The following PTPN13 variants were observed in gnomAD, a reference collection of about 807,000 sequenced individuals.
PTPN13 encodes the protein tyrosine-protein phosphatase non-receptor type 13.
In PTPN13, 191 loss-of-function variants were observed where a neutral mutation model predicts 284.0. The ratio of observed to expected loss-of-function variants is 0.67; its 90% confidence interval spans 0.60 to 0.76. The LOEUF is 0.76. PTPN13 is among the 30% of genes least tolerant of loss of function. PTPN13 has a pLI of 0.00. For missense variants in PTPN13, 2,797 were observed against 2,939.9 expected, an observed-to-expected ratio of 0.95 and a Z score of 1.12; for synonymous variants, 986 against 1,022.3, an observed-to-expected ratio of 0.96 and a Z score of 0.68.
rs1462189294 is a variant in PTPN13, at chr4:86,732,474, T to C, written c.1683T>C (p.Leu561=). The C allele has an allele frequency of 1.3e-6, 2 of 1,599,992 alleles. No individual in the cohort carries two copies. Among genetic ancestry groups the C allele is most frequent in the African/African-American group, 2.7e-5 (2 of 74,668 alleles). Residue 561 remains leucine, a splice_region_variant and synonymous_variant, in exon 11 of 48, where the codon CTT becomes CTC. Transcript: ENST00000411767. ...FISLDLPRSI[L]TKKGKNEDNR... is the part of the protein sequence containing the mutation. ...CTTTGGATTTGCCACGGTCTATTCTTGTAAGTAATAAAACCAATTTGTGTC... is the reference window on the plus strand; with the variant it reads ...CTTTGGATTTGCCACGGTCTATTCTCGTAAGTAATAAAACCAATTTGTGTC...
intron 3 of PTPN13, among the ~76,000 whole-genome samples, chr4:86,679,226 TCTC>T (rs1160131220): frequency 6.6e-6 from 1 of 152,244 alleles, no homozygotes; most frequent in Admixed American, 6.5e-5. Flanking sequence ...TTTCAACTGA[TCTC>T]CTCACTGTCT....
chr4:86,771,245 A>C lies in PTPN13; in HGVS notation c.4878A>C (p.Gln1626His). The C allele has an allele frequency of 6.2e-7, 1 of 1,610,566 alleles. No individual in the cohort carries two copies. Among genetic ancestry groups the C allele is most frequent in the East Asian group, 2.2e-5 (1 of 44,802 alleles). The change falls in exon 31 of 48, where the codon CAA becomes CAC. Residue 1626 changes from glutamine to histidine, a missense_variant. Transcript: ENST00000411767. Reference protein sequence around the residue: ...KDSSQPSCVEQSTSSDENEMS... With the variant: ...KDSSQPSCVEHSTSSDENEMS... ...CTTCTCAGCCATCATGTGTGGAGCA[A>C]AGCACCAGCTCAGATGAAAATGAAA...
rs563039989 is a variant in PTPN13 at position 86,655,097 on chromosome 4, G to A, written c.116-17268G>A. ...TTTTTTGTTTTCCATTTGCTTGGTA[G>A]ATCTTCCTGCGTCCCTTTATTTTGA... On this transcript the variant is annotated intron_variant, in intron 2 of 47. Transcript: ENST00000411767. Among the ~76,000 whole-genome samples, 12 of 152,260 alleles carry A rather than the reference G, an allele frequency of 7.9e-5. No homozygotes were observed. The South Asian group carries it at 2.5e-3, about 32-fold the overall frequency.
Position 86,757,762 on chromosome 4 carries a change from C to CAAAAAAAAA in PTPN13, c.3224-490_3224-482dup, listed in dbSNP as rs542129918. On this transcript the variant is annotated intron_variant, in intron 20 of 47. Transcript: ENST00000411767. ...TGAGTAGCAAAGCAAGACTCTGTCT[C>CAAAAAAAAA]AAAAAAAAAAAAAAAATCCAGTTTC... 5.2e-4 allele frequency among the ~76,000 whole-genome samples: 59 copies of CAAAAAAAAA among 112,502 alleles called. 2 individuals are homozygous for CAAAAAAAAA. The highest frequency in any genetic ancestry group is 1.9e-3 in the African/African-American group (53 of 28,454). The allele number at this position is 112,502 out of a possible 152,430, so 73.8% of individuals were successfully genotyped here.
chr4:86,628,503 A>ATTT (rs70948795), intron 1 of PTPN13, among the ~76,000 whole-genome samples: 6 of 136,748 alleles, frequency 4.4e-5, no homozygotes, highest in Non-Finnish European at 3.2e-5. Context: ...TTTTTTTTTA[A>ATTT]TTTTTTTTTT....
chr4:86,640,986 A>G (rs999538843), intron 2 of PTPN13, among the ~76,000 whole-genome samples: 2 of 152,168 alleles, frequency 1.3e-5, no homozygotes, highest in Non-Finnish European at 2.9e-5. Flanking sequence ...ACCAATTGTT[A>G]TGATTGCTAA....
chr4:86,719,651 T>C (rs760797035), intron 9 of PTPN13, among the ~76,000 whole-genome samples: 3 of 152,202 alleles, frequency 2.0e-5, no homozygotes, highest in Non-Finnish European at 4.4e-5. Flanking sequence ...TTTTTTACTT[T>C]TTAATAATAG....
intron 41 of PTPN13, among the ~76,000 whole-genome samples, chr4:86,797,589 G>A (rs1299485473): frequency 6.6e-6 from 1 of 152,044 alleles, no homozygotes; most frequent in African/African-American, 2.4e-5. Flanking sequence ...CTTCAAGAAA[G>A]CAATATTCTC....
At chr4:86,773,284 A>G (rs1319835271) in intron 32 of PTPN13, among the ~76,000 whole-genome samples, 1 of 152,230 alleles carries the variant, frequency 6.6e-6, no homozygotes, top group Non-Finnish European at 1.5e-5. Flanking sequence ...ATTAAATGAA[A>G]TAACATATGT....
intron 15 of PTPN13, 70 bp from the exon 16 acceptor site, chr4:86,741,564 A>G (rs1736174627): frequency 1.4e-6 from 2 of 1,405,012 alleles, no homozygotes; most frequent in Admixed American, 1.9e-5. Context: ...AAACCATATC[A>G]TACAGCTTCA....
intron 1 of PTPN13, among the ~76,000 whole-genome samples, chr4:86,623,178 G>C (rs759533400): frequency 6.6e-6 from 1 of 152,118 alleles, no homozygotes; most frequent in Non-Finnish European, 1.5e-5. Context: ...GGGTCTGCTG[G>C]TGTAAGTCAT....
chr4:86,768,378 AC>A (rs1739572113), intron 28 of PTPN13, among the ~76,000 whole-genome samples: 1 of 152,162 alleles, frequency 6.6e-6, no homozygotes, highest in African/African-American at 2.4e-5. Flanking sequence ...GCAGATATTC[AC>A]ATAGTAGTGC....
At chr4:86,800,738 G>A (rs1743930772) in intron 42 of PTPN13, among the ~76,000 whole-genome samples, 1 of 151,892 alleles carries the variant, frequency 6.6e-6, no homozygotes, top group Non-Finnish European at 1.5e-5. Context: ...AAGGAAGGGA[G>A]GGAGGAAGGA....
intron 6 of PTPN13, among the ~76,000 whole-genome samples, chr4:86,700,144 A>T (rs1730994973): frequency 1.3e-5 from 2 of 152,112 alleles, no homozygotes; most frequent in Admixed American, 6.5e-5. Context: ...TTTAAGGTAA[A>T]ATTTGTGTTC....
chr4:86,663,656 A>G (rs1726762198), intron 2 of PTPN13, among the ~76,000 whole-genome samples: 1 of 152,184 alleles, frequency 6.6e-6, no homozygotes, highest in South Asian at 2.1e-4. Context: ...ATTTATTTCT[A>G]AATGTCAGTG....
At chr4:86,776,644 A>G (rs995978410) in intron 35 of PTPN13, among the ~76,000 whole-genome samples, 1 of 152,222 alleles carries the variant, frequency 6.6e-6, no homozygotes, top group East Asian at 1.9e-4. Context: ...TACCCAACCT[A>G]CCAAACATCA....
chr4:86,741,605 A>T, intron 15 of PTPN13, 29 bp from the exon 16 acceptor site: 1 of 1,575,360 alleles, frequency 6.3e-7, no homozygotes. Context: ...ACCAAAGTGT[A>T]TTGCTATGGT....
chr4:86,780,508 G>T, intron 36 of PTPN13, 36 bp downstream of exon 36: 4 of 1,384,210 alleles, frequency 2.9e-6, no homozygotes, highest in Non-Finnish European at 4.1e-6. Flanking sequence ...CTCTCCTACG[G>T]TAATGGGAAT....
chr4:86,761,736 G>A (rs1738724474), intron 23 of PTPN13, among the ~76,000 whole-genome samples: 1 of 152,038 alleles, frequency 6.6e-6, no homozygotes, highest in Non-Finnish European at 1.5e-5. Flanking sequence ...TGTTCCGTGG[G>A]AGTTTTGAAA....
Sources: gnomAD v4.1 joint callset for allele counts (sites outside exome capture counted in the v4.1 genomes callset) on GRCh38, gnomAD v4.1.1 for gene constraint, MANE v1.5 for transcripts, NCBI Gene and HGNC (gene_info 2026-07-23, HGNC 2026-07-21) for gene names.